UBA3: variants seen among roughly 807,000 people sequenced by gnomAD.
UBA3 encodes the protein ubiquitin like modifier activating enzyme 3.
In UBA3, 26 loss-of-function variants were observed where a neutral mutation model predicts 73.5. The ratio of observed to expected loss-of-function variants is 0.35; its 90% CI spans 0.26 to 0.49. The LOEUF (loss-of-function observed/expected upper bound fraction) is 0.49. UBA3 is among the 20% of genes least tolerant of loss of function. The probability of loss-of-function intolerance (pLI) is 0.98; values close to 1 mark genes in which losing one functional copy is unlikely to be tolerated. For missense variants in UBA3, 495 were observed against 555.6 expected (o/e 0.89, Z 1.10); for synonymous variants, 217 against 191.2 (o/e 1.13, Z -1.11).
rs1212214076 is a variant in UBA3 at position 69,055,407 on chromosome 3, C to T, written c.*30G>A. 1 of 1,364,562 alleles carries T rather than the reference C, an allele frequency of 7.3e-7. No individual in the cohort carries two copies. The highest frequency in any genetic ancestry group is 1.5e-5 in the African/African-American group (1 of 65,716). The allele number at this position is 1,364,562 out of a possible 1,614,324, so 84.5% of individuals were successfully genotyped here. A position where few individuals can be genotyped will look rare whatever the true frequency, so the allele number is the denominator to read the frequency against. On this transcript the variant is annotated 3_prime_UTR_variant, in exon 18 of 18. Coordinates refer to ENST00000361055, the MANE Select transcript of UBA3 (RefSeq NM_003968.4). ...TAGCATCCACAAAGTATATTATTTC[C>T]ATGAGTTTTCTATTATGTGGAGATT...
At chr3:69,056,840 GC>G in intron 12 of UBA3, 25 bp from the exon 13 acceptor site, 1 of 1,601,630 alleles carries the variant, frequency 6.2e-7, no homozygotes, top group East Asian at 2.2e-5. Context: ...AAATACAGGT[GC>G]TTTAACTCAA....
chr3:69,066,540 G>A (rs1184898286), intron 6 of UBA3, among the ~76,000 whole-genome samples: 4 of 151,868 alleles, frequency 2.6e-5, no homozygotes, highest in African/African-American at 4.8e-5. Context: ...GCCTCCTAGG[G>A]TCAAGCGATT....
intron 11 of UBA3, among the ~76,000 whole-genome samples, chr3:69,058,519 T>C (rs900561888): frequency 6.6e-6 from 1 of 152,174 alleles, no homozygotes; most frequent in Non-Finnish European, 1.5e-5. Flanking sequence ...TGTGACCATA[T>C]GATTCTCTAT....
At chr3:69,065,198 T>C (rs1425818927) in intron 6 of UBA3, among the ~76,000 whole-genome samples, 2 of 152,106 alleles carry the variant, frequency 1.3e-5, no homozygotes, top group Non-Finnish European at 2.9e-5. Flanking sequence ...CAGACCCACA[T>C]AATGGGGATA....
At position 69,056,714 on chromosome 3, in the gene UBA3, T is replaced by C. The variant is rs549711279; in HGVS notation, c.1002-21A>G. 71 of 1,610,806 alleles carry C rather than the reference T, an allele frequency of 4.4e-5. 1 individual carries two copies. The South Asian group carries it at 7.2e-4, about 16-fold the overall frequency. ...ATGCACTGTAATGAAAAAATGTTCATCTTTATATAATTAAACCAAGTCAAA... is the reference window on the plus strand; with the variant it reads ...ATGCACTGTAATGAAAAAATGTTCACCTTTATATAATTAAACCAAGTCAAA... On this transcript the variant is annotated intron_variant, in intron 13 of 17. Coordinates refer to ENST00000361055, the MANE Select transcript of UBA3 (RefSeq NM_003968.4).
intron 11 of UBA3, among the ~76,000 whole-genome samples, chr3:69,059,354 T>C (rs1480405848): frequency 6.6e-6 from 1 of 152,174 alleles, no homozygotes; most frequent in African/African-American, 2.4e-5. Context: ...ATGGTCCTGG[T>C]CCTGGGGCAA....
At chr3:69,057,185 CA>C (rs527716149) in intron 12 of UBA3, 70 bp downstream of exon 12, 3 of 1,490,644 alleles carry the variant, frequency 2.0e-6, no homozygotes, top group East Asian at 2.3e-5. Context: ...TCCTACAACA[CA>C]AAAAAGCTGC....
intron 4 of UBA3, among the ~76,000 whole-genome samples, chr3:69,072,368 A>C (rs926186034): frequency 6.6e-6 from 1 of 152,202 alleles, no homozygotes; most frequent in Admixed American, 6.5e-5. Context: ...ATACCAAGAG[A>C]TCTTCAAGAC....
intron 11 of UBA3, among the ~76,000 whole-genome samples, chr3:69,057,782 T>C (rs372455103): frequency 6.6e-6 from 1 of 152,126 alleles, no homozygotes; most frequent in Non-Finnish European, 1.5e-5. Context: ...ATAAGTGTTA[T>C]CTAATTATTC....
In UBA3 at chr3:69,055,370, G is replaced by A. The variant is rs542487352; in HGVS notation, c.*67C>T. 17 of 1,035,970 alleles carry A rather than the reference G, an allele frequency of 1.6e-5. No individual in the cohort carries two copies. In the Admixed American group the frequency reaches 1.8e-4, roughly 11 times the overall value. 64.2% of individuals were successfully genotyped at this position (1,035,970 alleles called of 1,614,324 possible). A position where few individuals can be genotyped will look rare whatever the true frequency, so the allele number is the denominator to read the frequency against. ...CAACACTATTGCTAAAAATGACATC[G>A]ATTCAACTTCTTAGCATCCACAAAG... On this transcript the variant is annotated 3_prime_UTR_variant, in exon 18 of 18. Transcript: ENST00000361055.
intron 3 of UBA3, among the ~76,000 whole-genome samples, chr3:69,075,892 T>G (rs1318356445): frequency 3.3e-5 from 5 of 152,074 alleles, no homozygotes; most frequent in African/African-American, 1.2e-4. Flanking sequence ...CTACCACACC[T>G]GGCTAATTTT....
intron 3 of UBA3, chr3:69,077,339 T>C (rs2092176588): frequency 6.6e-6 from 1 of 152,642 alleles, no homozygotes; most frequent in Non-Finnish European, 1.5e-5. Flanking sequence ...ACACTTGCCT[T>C]AAGATAGACA....
intron 6 of UBA3, among the ~76,000 whole-genome samples, chr3:69,064,939 G>A (rs1421207032): frequency 1.3e-5 from 2 of 152,104 alleles, no homozygotes; most frequent in Non-Finnish European, 2.9e-5. Context: ...AGAAAAAAGG[G>A]ACAATACATG....
chr3:69,077,689 A>C, intron 3 of UBA3, 109 bp downstream of exon 3: 1 of 1,244,966 alleles, frequency 8.0e-7, no homozygotes, highest in Admixed American at 2.7e-5. Context: ...GTTTCACAAA[A>C]CAATTTTATT....
At chr3:69,078,062 T>C (rs1482763871) in intron 2 of UBA3, 144 bp from the exon 3 acceptor site, 3 of 1,141,732 alleles carry the variant, frequency 2.6e-6, no homozygotes, top group Admixed American at 2.9e-5. Flanking sequence ...ATTATGTTTA[T>C]GCTTTGAAAT....
In UBA3 at chr3:69,054,990, T is replaced by C. The variant is rs1019734884; in HGVS notation, c.*447A>G. On this transcript the variant is annotated 3_prime_UTR_variant, in exon 18 of 18. Transcript: ENST00000361055. The stretch of plus-strand genomic sequence containing the variant: ...GATGGCCACAATTAAATGAGTGTTA[T>C]ATCAAGAAATAGCCTATGTTCAATA... The C allele has an allele frequency of 2.6e-5, 4 of 152,488 alleles. No homozygotes were observed. The highest frequency in any genetic ancestry group is 9.6e-5 in the African/African-American group (4 of 41,476). 9.4% of individuals were successfully genotyped at this position (152,488 alleles called of 1,614,324 possible).
chr3:69,057,924 C>CTTTTTTTTT (rs368333207), intron 11 of UBA3, among the ~76,000 whole-genome samples: 46 of 115,466 alleles, frequency 4.0e-4, no homozygotes, highest in Non-Finnish European at 6.1e-4. Flanking sequence ...CCACATTTTT[C>CTTTTTTTTT]TTTTTTTTTT....
intron 11 of UBA3, among the ~76,000 whole-genome samples, chr3:69,060,679 C>A (rs1165942715): frequency 2.0e-5 from 3 of 152,198 alleles, no homozygotes; most frequent in Non-Finnish European, 4.4e-5. Flanking sequence ...CTGTCCCCTC[C>A]AAATCTCATA....
At chr3:69,055,826 T>C (rs1333721203) in intron 17 of UBA3, 25 bp downstream of exon 17, 1 of 1,586,904 alleles carries the variant, frequency 6.3e-7, no homozygotes, top group Non-Finnish European at 8.6e-7. Flanking sequence ...AGAAAATGAT[T>C]AGTAAATACC....
Sources: gnomAD v4.1 joint callset for allele counts (sites outside exome capture counted in the v4.1 genomes callset) on GRCh38, gnomAD v4.1.1 for gene constraint, MANE v1.5 for transcripts, NCBI Gene and HGNC (gene_info 2026-07-23, HGNC 2026-07-21) for gene names.